The following TTC4 variants were observed in gnomAD, a reference collection of about 807,000 sequenced individuals.
TTC4 encodes the protein hsp70/Hsp90 co-chaperone CNS1 homolog.
Under a neutral mutation model 51.9 loss-of-function variants are expected in TTC4, and 36 were observed. The ratio of observed to expected loss-of-function variants is 0.69; its 90% confidence interval spans 0.53 to 0.92. TTC4 has a LOEUF of 0.92. Among genes scored for constraint, TTC4 ranks in the 40% least tolerant of loss-of-function variants. TTC4 has a pLI of 0.00. For missense variants in TTC4, 399 were observed against 454.6 expected (o/e 0.88, Z 1.11); for synonymous variants, 144 against 164.2 (o/e 0.88, Z 0.94).
In TTC4 at chr1:54,716,583, T is replaced by C. The variant is rs888978143; in HGVS notation, c.112-17T>C. On this transcript the variant is annotated splice_polypyrimidine_tract_variant and intron_variant, in intron 1 of 9. Transcript: ENST00000371281. Reference sequence around the variant, plus strand: ...TAGAAAAGCTTATTCATGTAGTTCATTCTTAACCATTTACAGGAATTTGAA... The same window carrying C: ...TAGAAAAGCTTATTCATGTAGTTCACTCTTAACCATTTACAGGAATTTGAA... 1 of 1,593,126 alleles carries C rather than the reference T, an allele frequency of 6.3e-7. No homozygotes were observed.
intron 6 of TTC4, among the ~76,000 whole-genome samples, chr1:54,728,644 CAT>C (rs1192850212): frequency 5.9e-5 from 9 of 152,218 alleles, no homozygotes; most frequent in Non-Finnish European, 1.2e-4. Flanking sequence ...GTCTCAGTAA[CAT>C]ATACAGTTGT....
intron 8 of TTC4, among the ~76,000 whole-genome samples, chr1:54,736,220 G>GAGAGAA (rs1645936165): frequency 8.1e-6 from 1 of 123,964 alleles, no homozygotes; most frequent in African/African-American, 3.4e-5. Context: ...GAGAGAGAGA[G>GAGAGAA]AGAAGAGGAG....
chr1:54,717,411 A>C, intron 2 of TTC4, 81 bp from the exon 3 acceptor site: 1 of 1,314,772 alleles, frequency 7.6e-7, no homozygotes, highest in South Asian at 2.1e-5. Context: ...CATATAGTAC[A>C]TTATTACATG....
chr1:54,738,677 AGAC>A (rs1467374167), intron 9 of TTC4, among the ~76,000 whole-genome samples: 1 of 106,346 alleles, frequency 9.4e-6, no homozygotes, highest in Non-Finnish European at 1.8e-5. Flanking sequence ...TTTTTTTTTG[AGAC>A]GACATCTCGC....
chr1:54,731,830 G>A, intron 7 of TTC4, 130 bp downstream of exon 7: 1 of 841,138 alleles, frequency 1.2e-6, no homozygotes, highest in Non-Finnish European at 1.8e-6. Context: ...CATCTGGTTT[G>A]ATAATAACCT....
chr1:54,735,517 G>A (rs369850290), intron 8 of TTC4, among the ~76,000 whole-genome samples: 13 of 152,190 alleles, frequency 8.5e-5, no homozygotes, highest in African/African-American at 1.7e-4. Context: ...CACCATGCCC[G>A]GCCTGGATTA....
rs953697995 is a variant in TTC4 at position 54,728,581 on chromosome 1, G to T, written c.681+149G>T. 5.3e-6 allele frequency: 4 copies of T among 761,580 alleles called. No homozygotes were observed. The African/African-American group carries it at 7.1e-5, about 14-fold the overall frequency. The allele number at this position is 761,580 out of a possible 1,614,324, so 47.2% of individuals were successfully genotyped here. On this transcript the variant is annotated intron_variant, in intron 6 of 9. Transcript: ENST00000371281. ...AAAGCAGTGTGACAGAGGAGACCAG[G>T]CTCTGGAGTCAGGCCACCCCAGTTC... is the stretch of plus-strand genomic sequence containing the variant.
intron 5 of TTC4, among the ~76,000 whole-genome samples, chr1:54,723,165 A>G (rs112105383): frequency 0.017 from 2,620 of 152,276 alleles, 84 homozygotes; most frequent in African/African-American, 0.06. Context: ...ACAGTTGCCT[A>G]CAGGATTCAG....
intron 9 of TTC4, among the ~76,000 whole-genome samples, chr1:54,739,449 C>T (rs1005524607): frequency 1.3e-5 from 2 of 152,252 alleles, no homozygotes; most frequent in Non-Finnish European, 1.5e-5. Context: ...CATGCCTACA[C>T]ATTTCTCAAG....
At chr1:54,731,322 G>C (rs1645862848) in intron 6 of TTC4, among the ~76,000 whole-genome samples, 164 bp from the exon 7 acceptor site, 1 of 152,070 alleles carries the variant, frequency 6.6e-6, no homozygotes, top group African/African-American at 2.4e-5. Flanking sequence ...TAGTCGTGCA[G>C]CCTGGGCAAT....
rs1466414272 is a variant in TTC4, at chr1:54,732,913, C to A, written c.897-716C>A. ...CCAGCCTGGCAAACATGGCAAAATC[C>A]CGTGCCTAATAAAAATATAAAAAAT... On this transcript the variant is annotated intron_variant, in intron 7 of 9. Transcript: ENST00000371281. Among the ~76,000 whole-genome samples, 3 of 151,458 alleles carry A rather than the reference C, an allele frequency of 2.0e-5. No homozygotes were observed. The East Asian group carries it at 5.9e-4, about 30-fold the overall frequency.
At position 54,716,595 on chromosome 1, in the gene TTC4, T is replaced by C; in HGVS notation, c.112-5T>C. The C allele has an allele frequency of 1.9e-6, 3 of 1,605,362 alleles. No individual in the cohort carries two copies. Among genetic ancestry groups the C allele is most frequent in the Non-Finnish European group, 1.7e-6 (2 of 1,174,338 alleles). On this transcript the variant is annotated splice_region_variant and splice_polypyrimidine_tract_variant and intron_variant, in intron 1 of 9. Transcript: ENST00000371281. ...TTCATGTAGTTCATTCTTAACCATT[T>C]ACAGGAATTTGAAAAGGTCCCCCTA...
rs375353909 is a variant in TTC4 at position 54,717,629 on chromosome 1, C to T, written c.367C>T (p.Arg123Trp). ...PDLNAVLYTN[R>W]AAAQYYLGNF... ...TTTGAATGCTGTCCTTTATACCAAC[C>T]GGGCAGCAGCACAGTACTATCTGGG... The change falls in exon 3 of 10, where the codon CGG becomes TGG. Residue 123 changes from arginine to tryptophan, a missense_variant. Physicochemically the swap from Arg to Trp is moderately radical, Grantham distance 101. Transcript: ENST00000371281. 1.2e-5 allele frequency: 19 copies of T among 1,604,698 alleles called. No individual in the cohort carries two copies. The highest frequency in any genetic ancestry group is 2.2e-5 in the East Asian group (1 of 44,660).
chr1:54,724,666 A>T (rs1026944069), intron 5 of TTC4, among the ~76,000 whole-genome samples: 1 of 152,030 alleles, frequency 6.6e-6, no homozygotes, highest in Non-Finnish European at 1.5e-5. Context: ...TTCAAAATGC[A>T]TGATGCAAAA....
intron 8 of TTC4, among the ~76,000 whole-genome samples, chr1:54,735,518 G>T (rs1037783001): frequency 1.3e-5 from 2 of 152,122 alleles, no homozygotes; most frequent in African/African-American, 4.8e-5. Flanking sequence ...ACCATGCCCG[G>T]CCTGGATTAT....
chr1:54,728,943 G>C (rs1269902974), intron 6 of TTC4, among the ~76,000 whole-genome samples: 1 of 151,996 alleles, frequency 6.6e-6, no homozygotes, highest in Non-Finnish European at 1.5e-5. Context: ...AGCAACCTCA[G>C]CATACAATTT....
rs149536617 is a variant in TTC4 at position 54,726,126 on chromosome 1, A to G, written c.595-2220A>G. ...ATACATCCAAAAAGTTTAACAAACTATAAGTGGGATAAACTTAAAGTGATC... is the reference window on the plus strand; with the variant it reads ...ATACATCCAAAAAGTTTAACAAACTGTAAGTGGGATAAACTTAAAGTGATC... On this transcript the variant is annotated intron_variant, in intron 5 of 9. Coordinates refer to ENST00000371281, the MANE Select transcript of TTC4 (RefSeq NM_004623.5). Among the ~76,000 whole-genome samples, 189 of 152,370 alleles carry G rather than the reference A, an allele frequency of 1.2e-3. 1 individual carries two copies. Among genetic ancestry groups the G allele is most frequent in the African/African-American group, 3.0e-3 (125 of 41,594 alleles).
At position 54,728,450 on chromosome 1, in the gene TTC4, A is replaced by G; in HGVS notation, c.681+18A>G. On this transcript the variant is annotated intron_variant, in intron 6 of 9. Coordinates refer to ENST00000371281, the MANE Select transcript of TTC4 (RefSeq NM_004623.5). ...CCATCAAGGTGAGTTCTTAAACCTT[A>G]GGTTTTTATGGTCCTGCTAAATCCA... 1 of 1,607,074 alleles carries G rather than the reference A, an allele frequency of 6.2e-7. No individual in the cohort carries two copies. The highest frequency in any genetic ancestry group is 8.5e-7 in the Non-Finnish European group (1 of 1,175,588).
chr1:54,718,466 C>G (rs963783580), intron 3 of TTC4, among the ~76,000 whole-genome samples: 4 of 152,024 alleles, frequency 2.6e-5, no homozygotes, highest in African/African-American at 9.7e-5. Context: ...CCGGGCTGGT[C>G]TCGAAATTGG....
Sources: allele counts gnomAD v4.1 joint callset (sites outside exome capture counted in the v4.1 genomes callset), GRCh38; gene constraint gnomAD v4.1.1; transcripts MANE v1.5; gene names NCBI Gene and HGNC (gene_info 2026-07-23, HGNC 2026-07-21).